The following CLASP1 variants were observed in gnomAD, a reference collection of about 807,000 sequenced individuals.
CLASP1 encodes cytoplasmic linker associated protein 1.
A neutral mutation model predicts 192.3 loss-of-function variants in CLASP1; 38 were observed. The observed-to-expected ratio is 0.20, with a 90% CI of 0.15 to 0.26. The LOEUF (loss-of-function observed/expected upper bound fraction) is 0.26. Among genes scored for constraint, CLASP1 ranks in the 10% least tolerant of loss-of-function variants. The probability of loss-of-function intolerance (pLI) is 1.00; values close to 1 mark genes in which losing one functional copy is unlikely to be tolerated. For missense variants in CLASP1, 1,433 were observed against 1,932.5 expected (o/e 0.74, Z 4.85); for synonymous variants, 691 against 712.8 (o/e 0.97, Z 0.49).
At chr2:121,615,721 T>G (rs1321216842) in intron 1 of CLASP1, among the ~76,000 whole-genome samples, 1 of 152,010 alleles carries the variant, frequency 6.6e-6, no homozygotes, top group South Asian at 2.1e-4. Flanking sequence ...GAGGTGCAAG[T>G]TGCAGTGAGC....
chr2:121,531,010 G>GT (rs756303977), intron 2 of CLASP1: 1 of 700,132 alleles, frequency 1.4e-6, no homozygotes, highest in South Asian at 1.5e-5. Flanking sequence ...TTGGAAAAAT[G>GT]AAAACCTGTT....
intron 2 of CLASP1, among the ~76,000 whole-genome samples, chr2:121,595,439 C>T (rs7604975): frequency 0.24 from 36,788 of 152,162 alleles, 6,857 homozygotes; most frequent in African/African-American, 0.52. Context: ...GTTAGGTCCA[C>T]GTTCTCACTC....
intron 1 of CLASP1, among the ~76,000 whole-genome samples, chr2:121,636,165 G>T (rs964830365): frequency 6.6e-6 from 1 of 150,976 alleles, no homozygotes; most frequent in African/African-American, 2.4e-5. Flanking sequence ...GGAGAAACCC[G>T]GTCTCTACTA....
chr2:121,531,136 C>A, intron 2 of CLASP1: 1 of 618,148 alleles, frequency 1.6e-6, no homozygotes, highest in South Asian at 1.8e-5. Context: ...AAAGTTCTTT[C>A]AGTTTTTGCG....
intron 2 of CLASP1, among the ~76,000 whole-genome samples, chr2:121,604,159 T>C (rs1452783906): frequency 6.6e-6 from 1 of 152,234 alleles, no homozygotes; most frequent in African/African-American, 2.4e-5. Flanking sequence ...CATCAAAATA[T>C]CATTAGGTAT....
intron 2 of CLASP1, among the ~76,000 whole-genome samples, chr2:121,597,926 C>T (rs1367421662): frequency 1.3e-5 from 2 of 152,164 alleles, no homozygotes; most frequent in African/African-American, 4.8e-5. Flanking sequence ...ACAGGTCATT[C>T]TTAACATTTC....
At chr2:121,584,510 G>A (rs545033049) in intron 2 of CLASP1, among the ~76,000 whole-genome samples, 1 of 152,286 alleles carries the variant, frequency 6.6e-6, no homozygotes, top group African/African-American at 2.4e-5. Flanking sequence ...TTTAAGGAAA[G>A]GTGGAGAGGG....
intron 2 of CLASP1, among the ~76,000 whole-genome samples, chr2:121,553,369 A>G (rs1207151857): frequency 1.3e-5 from 2 of 152,180 alleles, no homozygotes; most frequent in Non-Finnish European, 2.9e-5. Context: ...AATAAATAAA[A>G]TTTAAAAATA....
chr2:121,507,917 G>A (rs1225743265), intron 7 of CLASP1, among the ~76,000 whole-genome samples: 2 of 152,012 alleles, frequency 1.3e-5, no homozygotes, highest in African/African-American at 4.8e-5. Context: ...AATCAACCAA[G>A]AATTCTGTAT....
Position 121,515,653 on chromosome 2 carries a change from A to G in CLASP1, c.644+12T>C. 1 of 1,610,958 alleles carries G rather than the reference A, an allele frequency of 6.2e-7. No homozygotes were observed. ...TGGGTAGAGCAGAAGAAAGGAAAAA[A>G]TCTGCACTCACCGGGACTGTGGCAA... is the stretch of plus-strand genomic sequence containing the variant. On this transcript the variant is annotated intron_variant, in intron 7 of 39. Coordinates refer to ENST00000263710, the Ensembl canonical transcript of CLASP1.
At chr2:121,490,398 C>T (rs185209311) in intron 8 of CLASP1, 79 of 360,306 alleles carry the variant, frequency 2.2e-4, no homozygotes, top group African/African-American at 1.4e-3. Flanking sequence ...CAGTGTGATC[C>T]GGCAGCACCA....
chr2:121,615,550 A>G (rs1052956575), intron 1 of CLASP1, among the ~76,000 whole-genome samples: 1 of 151,936 alleles, frequency 6.6e-6, no homozygotes, highest in Non-Finnish European at 1.5e-5. Flanking sequence ...TAATCCCAGC[A>G]TTTTCAGAGG....
chr2:121,592,646 GT>G (rs1553646369), intron 2 of CLASP1, among the ~76,000 whole-genome samples: 2 of 150,892 alleles, frequency 1.3e-5, no homozygotes, highest in Non-Finnish European at 1.5e-5. Context: ...ATTAATAACT[GT>G]TTTTTTTTGT....
intron 37 of CLASP1, among the ~76,000 whole-genome samples, chr2:121,356,346 T>C (rs888679761): frequency 1.3e-5 from 2 of 152,218 alleles, no homozygotes; most frequent in African/African-American, 4.8e-5. Flanking sequence ...AAACGACCAA[T>C]GCCCCAGATT....
chr2:121,395,050 C>T lies in CLASP1; in HGVS notation c.3123+2090G>A, dbSNP rs1331458737. On this transcript the variant is annotated intron_variant, in intron 30 of 39. Coordinates refer to ENST00000263710, the Ensembl canonical transcript of CLASP1. ...CCTCTACTAGCTGAGAATGGCTGCC[C>T]GTTGACAATGAGGAAGGAAGGAGGC... Among the ~76,000 whole-genome samples the T allele has an allele frequency of 2.6e-5, 4 of 152,090 alleles. No individual in the cohort carries two copies. The South Asian group carries it at 8.3e-4, about 32-fold the overall frequency.
At chr2:121,531,278 C>T (rs1294480823) in intron 2 of CLASP1, among the ~76,000 whole-genome samples, 1 of 152,160 alleles carries the variant, frequency 6.6e-6, no homozygotes, top group African/African-American at 2.4e-5. Flanking sequence ...GACGAAGTTT[C>T]AGTAGGTCTT....
intron 19 of CLASP1, among the ~76,000 whole-genome samples, chr2:121,434,998 T>C (rs920492642): frequency 1.3e-5 from 2 of 151,960 alleles, no homozygotes; most frequent in Non-Finnish European, 2.9e-5. Context: ...CTTCTATCTG[T>C]AGTCTTAAGT....
intron 2 of CLASP1, among the ~76,000 whole-genome samples, chr2:121,596,038 T>G (rs2063104238): frequency 6.6e-6 from 1 of 152,180 alleles, no homozygotes; most frequent in Non-Finnish European, 1.5e-5. Context: ...AGAAGAGGAA[T>G]CCAGACAATT....
chr2:121,509,386 C>T (rs2094043210), intron 7 of CLASP1, among the ~76,000 whole-genome samples: 1 of 152,174 alleles, frequency 6.6e-6, no homozygotes, highest in African/African-American at 2.4e-5. Flanking sequence ...GTTGCCCAGG[C>T]TGGTCTTGCA....
Sources: gnomAD v4.1 joint callset for allele counts (sites outside exome capture counted in the v4.1 genomes callset) on GRCh38, gnomAD v4.1.1 for gene constraint, MANE v1.5 for transcripts, NCBI Gene and HGNC (gene_info 2026-07-23, HGNC 2026-07-21) for gene names.